Variants in LIMCH1 observed in about 807,000 individuals in gnomAD.
The protein encoded by LIMCH1 is LIM and calponin homology domains 1.
LIMCH1 carries 113 observed loss-of-function variants against 176.5 expected under a neutral mutation model. The ratio of observed to expected loss-of-function variants is 0.64; its 90% CI spans 0.55 to 0.75. The LOEUF is 0.75. Among genes scored for constraint, LIMCH1 ranks in the 30% least tolerant of loss-of-function variants. LIMCH1 has a pLI of 0.00. For missense variants in LIMCH1, 1,674 were observed against 1,814.9 expected, an observed-to-expected ratio of 0.92 and a Z score of 1.41; for synonymous variants, 619 against 645.9, an observed-to-expected ratio of 0.96 and a Z score of 0.63.
In LIMCH1 at chr4:41,598,931, C is replaced by A. The variant is rs2089431954; in HGVS notation, c.-229C>A. ...TTTTTTCCTTCTAGGACAATATTAT[C>A]TTATTCTTGAGAGGTTGTAAAGAGC... On this transcript the variant is annotated 5_prime_UTR_variant, in exon 2 of 32. Coordinates refer to ENST00000503057, the MANE Select transcript of LIMCH1 (RefSeq NM_001330672.2). 6.2e-7 allele frequency: 1 copy of A among 1,602,068 alleles called. No individual in the cohort carries two copies. The highest frequency in any genetic ancestry group is 8.5e-7 in the Non-Finnish European group (1 of 1,169,690).
At chr4:41,603,539 A>G (rs546351378) in intron 2 of LIMCH1, among the ~76,000 whole-genome samples, 1 of 152,326 alleles carries the variant, frequency 6.6e-6, no homozygotes, top group East Asian at 1.9e-4. Flanking sequence ...ACGGTGGTCT[A>G]TAATCAAGGC....
intron 3 of LIMCH1, chr4:41,524,621 T>C (rs764930875): frequency 1.2e-4 from 77 of 668,556 alleles, no homozygotes; most frequent in Non-Finnish European, 2.9e-5. Flanking sequence ...AACGAAGAGG[T>C]CACTTAAAAT....
At position 41,377,998 on chromosome 4, in the gene LIMCH1, C is replaced by T. The variant is rs570301814; in HGVS notation, c.96+17062C>T. Among the ~76,000 whole-genome samples, 7 of 152,324 alleles carry T rather than the reference C, an allele frequency of 4.6e-5. No individual in the cohort carries two copies. The East Asian group carries it at 1.2e-3, about 25-fold the overall frequency. On this transcript the variant is annotated intron_variant, in intron 1 of 26. Transcript: ENST00000313860. ...TTTTCAACACATGAATTCTGGGGTA[C>T]ACACTTAAGTCATAGCACTTGGGTT...
intron 1 of LIMCH1, among the ~76,000 whole-genome samples, chr4:41,481,849 GTT>G (rs566544376): frequency 1.4e-5 from 2 of 141,786 alleles, no homozygotes; most frequent in African/African-American, 2.6e-5. Flanking sequence ...TGAAATAGTT[GTT>G]TTTTTTTTTT....
intron 7 of LIMCH1, among the ~76,000 whole-genome samples, chr4:41,622,150 T>C (rs2092627961): frequency 6.6e-6 from 1 of 152,184 alleles, no homozygotes; most frequent in Non-Finnish European, 1.5e-5. Flanking sequence ...AAAATCTTTT[T>C]TTAAAACTCC....
intron 31 of LIMCH1, among the ~76,000 whole-genome samples, chr4:41,695,156 T>C (rs1446396053): frequency 6.6e-6 from 1 of 151,956 alleles, no homozygotes; most frequent in Non-Finnish European, 1.5e-5. Flanking sequence ...TTATTAGTTT[T>C]CCCACTCTGT....
At chr4:41,359,839 G>C (rs982936557), upstream of LIMCH1, 4 of 152,096 alleles carry the variant, frequency 2.6e-5, no homozygotes, top group African/African-American at 4.8e-5. Context: ...AAGGCTATCG[G>C]AAATTACCCC....
At chr4:41,592,546 GTTC>G (rs2087819189) in intron 1 of LIMCH1, among the ~76,000 whole-genome samples, 3 of 152,060 alleles carry the variant, frequency 2.0e-5, no homozygotes, top group Non-Finnish European at 4.4e-5. Context: ...TGGATAAACT[GTTC>G]TTCATCATCG....
intron 1 of LIMCH1, among the ~76,000 whole-genome samples, chr4:41,577,823 G>A (rs1446938760): frequency 6.6e-6 from 1 of 152,090 alleles, no homozygotes; most frequent in Non-Finnish European, 1.5e-5. Context: ...CCTAACATAA[G>A]CATATACCAA....
intron 1 of LIMCH1, among the ~76,000 whole-genome samples, chr4:41,397,659 A>G (rs1436156519): frequency 6.9e-6 from 1 of 144,598 alleles, no homozygotes; most frequent in Non-Finnish European, 1.5e-5. Context: ...ACAGATACAG[A>G]AAAAAAAAAC....
At chr4:41,414,416 A>G (rs1415693561) in intron 1 of LIMCH1, among the ~76,000 whole-genome samples, 1 of 152,238 alleles carries the variant, frequency 6.6e-6, no homozygotes, top group Non-Finnish European at 1.5e-5. Context: ...CTCACATTCC[A>G]TGAAATATAC....
Position 41,697,305 on chromosome 4 carries a change from C to G in LIMCH1, c.*120C>G. 1 of 831,692 alleles carries G rather than the reference C, an allele frequency of 1.2e-6. No homozygotes were observed. Among genetic ancestry groups the G allele is most frequent in the Non-Finnish European group, 2.0e-6 (1 of 496,600 alleles). 51.5% of individuals were successfully genotyped at this position (831,692 alleles called of 1,614,324 possible). On this transcript the variant is annotated 3_prime_UTR_variant, in exon 32 of 32. Coordinates refer to ENST00000503057, the MANE Select transcript of LIMCH1 (RefSeq NM_001330672.2). Reference sequence around the variant, plus strand: ...GCATTTACCTAATTTCTGAAAGGCTCTTCTGAAAGGTGGTATCTGTTCTTT... The same window carrying G: ...GCATTTACCTAATTTCTGAAAGGCTGTTCTGAAAGGTGGTATCTGTTCTTT...
At position 41,663,311 on chromosome 4, in the gene LIMCH1, GC is replaced by G. The variant is rs1363543888; in HGVS notation, c.3291+330del. 1.2e-4 allele frequency among the ~76,000 whole-genome samples: 19 copies of G among 152,038 alleles called. 1 individual carries two copies. Among genetic ancestry groups the G allele is most frequent in the South Asian group, 4.2e-4 (2 of 4,800 alleles). Reference sequence around the variant, plus strand: ...TGGGATTATAGGCGTCTGCCACCACGCCCAGCTAATTTTTATATTTTTAGTA... The same window carrying G: ...TGGGATTATAGGCGTCTGCCACCACGCCAGCTAATTTTTATATTTTTAGTA... On this transcript the variant is annotated intron_variant, in intron 20 of 31. Transcript: ENST00000503057.
chr4:41,415,455 T>G (rs1048872531), intron 1 of LIMCH1, among the ~76,000 whole-genome samples: 2 of 152,118 alleles, frequency 1.3e-5, no homozygotes, highest in Non-Finnish European at 2.9e-5. Flanking sequence ...ATGTATATGA[T>G]TTCCATGCTG....
chr4:41,480,114 T>C lies in LIMCH1; in HGVS notation c.97-14422T>C, dbSNP rs563067456. On this transcript the variant is annotated intron_variant, in intron 1 of 26. Coordinates refer to the LIMCH1 transcript ENST00000313860. ...TGTCCTATTAGATGGTTCCTACCCATGATTTCCAACCTACAGGTTGGACTG... is the reference window on the plus strand; with the variant it reads ...TGTCCTATTAGATGGTTCCTACCCACGATTTCCAACCTACAGGTTGGACTG... Among the ~76,000 whole-genome samples, 4 of 152,192 alleles carry C rather than the reference T, an allele frequency of 2.6e-5. No individual in the cohort carries two copies. The South Asian group carries it at 8.3e-4, about 32-fold the overall frequency.
rs1418683269 is a variant in LIMCH1, at chr4:41,670,717, G to C, written c.3398-837G>C. The C allele has an allele frequency of 2.6e-6, 4 of 1,534,494 alleles. No homozygotes were observed. In the Admixed American group the frequency reaches 7.8e-5, roughly 30 times the overall value. On this transcript the variant is annotated intron_variant, in intron 21 of 31. Transcript: ENST00000503057. The stretch of plus-strand genomic sequence containing the variant: ...TTGTTCTGTTCTGCCATCTGATCTA[G>C]AGTCGCCTGGCACTGCCAGTGTTCC...
chr4:41,454,450 GGAGA>G (rs58614605), intron 1 of LIMCH1, among the ~76,000 whole-genome samples: 1,948 of 148,368 alleles, frequency 0.013, 24 homozygotes, highest in African/African-American at 0.021. Flanking sequence ...ATGATGAGGG[GGAGA>G]GAGAGAGAGA....
intron 1 of LIMCH1, among the ~76,000 whole-genome samples, chr4:41,562,906 A>G (rs573318788): frequency 2.6e-5 from 4 of 152,324 alleles, no homozygotes; most frequent in African/African-American, 7.2e-5. Flanking sequence ...GAATGACACA[A>G]TCAGTGAGAG....
intron 1 of LIMCH1, among the ~76,000 whole-genome samples, chr4:41,436,816 G>A (rs941324337): frequency 5.9e-5 from 9 of 152,066 alleles, no homozygotes; most frequent in South Asian, 2.1e-4. Context: ...AAAAATTTGC[G>A]AAGGAGATAT....
Sources: gnomAD v4.1 joint callset for allele counts (sites outside exome capture counted in the v4.1 genomes callset) on GRCh38, gnomAD v4.1.1 for gene constraint, MANE v1.5 for transcripts, NCBI Gene and HGNC (gene_info 2026-07-23, HGNC 2026-07-21) for gene names.